The following MAGI1 variants were observed in gnomAD, a reference collection of about 807,000 sequenced individuals.
MAGI1 encodes membrane-associated guanylate kinase, WW and PDZ domain-containing protein 1.
A neutral mutation model predicts 139.9 loss-of-function variants in MAGI1; 58 were observed. The ratio of observed to expected loss-of-function variants is 0.41; its 90% CI spans 0.34 to 0.52. MAGI1 has a LOEUF of 0.52. Ranked by LOEUF, MAGI1 falls within the 20% of genes least tolerant of loss-of-function variation. The pLI is 0.12. For missense variants in MAGI1, 1,874 were observed against 1,901.6 expected, an observed-to-expected ratio of 0.99 and a Z score of 0.27; for synonymous variants, 812 against 737.9, an observed-to-expected ratio of 1.10 and a Z score of -1.63.
At chr3:65,566,436 T>G (rs908282171) in intron 2 of MAGI1, among the ~76,000 whole-genome samples, 1 of 137,918 alleles carries the variant, frequency 7.3e-6, no homozygotes, top group African/African-American at 2.8e-5. Context: ...TTTGCTCACC[T>G]TTTTTTTTTT....
chr3:65,877,374 C>T (rs1200682865), intron 1 of MAGI1, among the ~76,000 whole-genome samples: 1 of 152,130 alleles, frequency 6.6e-6, no homozygotes, highest in Non-Finnish European at 1.5e-5. Flanking sequence ...TTATACAATA[C>T]TTAGGGCACA....
chr3:65,442,812 G>T lies in MAGI1; in HGVS notation c.1116C>A (p.Val372=). The T allele has an allele frequency of 6.2e-7, 1 of 1,612,938 alleles. No individual in the cohort carries two copies. The highest frequency in any genetic ancestry group is 1.1e-5 in the South Asian group (1 of 91,036). ...PAGWEKIEDP[V]YGIYYVDHIN... ...CTTACTCTACATAGTAGATACCATA[G>T]ACAGGGTCTTCAATCTTTTCCCAAC... is the stretch of plus-strand genomic sequence containing the variant. Residue 372 remains valine (V), a synonymous_variant, in exon 8 of 23, where the codon GTC becomes GTA. Coordinates refer to ENST00000402939, the MANE Select transcript of MAGI1 (RefSeq NM_001033057.2).
intron 1 of MAGI1, among the ~76,000 whole-genome samples, chr3:66,009,684 T>C (rs1046810735): frequency 3.3e-5 from 5 of 152,084 alleles, no homozygotes; most frequent in African/African-American, 9.7e-5. Flanking sequence ...ACTTAACACA[T>C]AGTAGGTGTT....
chr3:65,415,481 C>T (rs11922267), intron 12 of MAGI1, among the ~76,000 whole-genome samples: 14,412 of 152,234 alleles, frequency 0.095, 723 homozygotes, highest in South Asian at 0.14. Context: ...CTCATGGACA[C>T]AGCCCAGGGC....
intron 1 of MAGI1, among the ~76,000 whole-genome samples, chr3:65,628,543 T>C (rs1576530178): frequency 6.6e-6 from 1 of 151,410 alleles, no homozygotes; most frequent in Non-Finnish European, 1.5e-5. Context: ...GAGTTGGTCA[T>C]GTAAGCAGCC....
chr3:65,724,759 T>C (rs1218406026), intron 1 of MAGI1, among the ~76,000 whole-genome samples: 3 of 152,078 alleles, frequency 2.0e-5, no homozygotes, highest in Non-Finnish European at 4.4e-5. Context: ...GAAGCAAACA[T>C]GTCCTTCTTC....
Position 65,776,456 on chromosome 3 carries a change from A to G in MAGI1, c.314-154368T>C, listed in dbSNP as rs72908269. Among the ~76,000 whole-genome samples the G allele has an allele frequency of 4.1e-3, 625 of 152,322 alleles. 3 individuals carry two copies. The highest frequency in any genetic ancestry group is 0.014 in the African/African-American group (589 of 41,584). On this transcript the variant is annotated intron_variant, in intron 1 of 22. Coordinates refer to ENST00000402939, the MANE Select transcript of MAGI1 (RefSeq NM_001033057.2). ...AAAATGGTAACCCTTATTTAAACAC[A>G]TAATAAAAAGAGATCTTGTCAAATA...
chr3:65,926,324 CTT>C (rs1491293898), intron 1 of MAGI1, among the ~76,000 whole-genome samples: 3 of 82,400 alleles, frequency 3.6e-5, no homozygotes, highest in African/African-American at 9.7e-5. Context: ...CTGAAGTCTT[CTT>C]TTCTCTCTCT....
chr3:65,921,746 A>C (rs1259635940), intron 1 of MAGI1, among the ~76,000 whole-genome samples: 1 of 152,178 alleles, frequency 6.6e-6, no homozygotes, highest in African/African-American at 2.4e-5. Flanking sequence ...AGAATCAATC[A>C]AAATGATTGA....
At chr3:65,695,152 C>T (rs1199139414) in intron 1 of MAGI1, among the ~76,000 whole-genome samples, 2 of 152,084 alleles carry the variant, frequency 1.3e-5, no homozygotes, top group African/African-American at 4.8e-5. Context: ...TTCTCTTCAA[C>T]AGAGATAACC....
intron 1 of MAGI1, among the ~76,000 whole-genome samples, chr3:65,771,656 G>A (rs1351143143): frequency 1.3e-5 from 2 of 152,128 alleles, no homozygotes; most frequent in Admixed American, 6.6e-5. Flanking sequence ...GCTAGCATTA[G>A]AAAGCAAATA....
At chr3:65,700,888 G>A (rs1254166411) in intron 1 of MAGI1, among the ~76,000 whole-genome samples, 1 of 152,106 alleles carries the variant, frequency 6.6e-6, no homozygotes, top group Non-Finnish European at 1.5e-5. Flanking sequence ...ACTTCTAAGA[G>A]GAAGTACAGC....
At chr3:65,775,502 CAAAAAAAAAAAAAA>C (rs9311958) in intron 1 of MAGI1, among the ~76,000 whole-genome samples, 6 of 36,594 alleles carry the variant, frequency 1.6e-4, no homozygotes, top group Admixed American at 1.2e-3. Context: ...CCCACTCTGC[CAAAAAAAAAAAAAA>C]AAAAAAAAAA....
chr3:65,478,682 TGGTTCGCTTCG>T lies in MAGI1; in HGVS notation c.656_666del (p.Pro219GlnfsTer5). The T allele has an allele frequency of 6.2e-7, 1 of 1,614,068 alleles. No homozygotes were observed. The highest frequency in any genetic ancestry group is 8.5e-7 in the Non-Finnish European group (1 of 1,179,998). Reference sequence around the variant, plus strand: ...GCATTTTGCATATCATTGTAGGACTTGGTTCGCTTCGGGGTCGACTGCTTAGAGCCAGACTG... The same window carrying T: ...GCATTTTGCATATCATTGTAGGACTTGGGTCGACTGCTTAGAGCCAGACTG... On this transcript the variant is annotated frameshift_variant, in exon 4 of 23. Transcript: ENST00000402939. LOFTEE classifies it high-confidence loss of function.
Position 65,980,414 on chromosome 3 carries a change from T to G in MAGI1, c.313+57582A>C, listed in dbSNP as rs567123731. On this transcript the variant is annotated intron_variant, in intron 1 of 22. Transcript: ENST00000402939. ...ACCGTCTCTACTACAAATACAAAAATTAGCCACACATGGTGGTGCACGCCT... is the reference window on the plus strand; with the variant it reads ...ACCGTCTCTACTACAAATACAAAAAGTAGCCACACATGGTGGTGCACGCCT... 1.6e-4 allele frequency among the ~76,000 whole-genome samples: 25 copies of G among 151,762 alleles called. 1 individual carries two copies. In the South Asian group the frequency reaches 5.2e-3, roughly 32 times the overall value.
chr3:65,862,132 C>G (rs2059576892), intron 1 of MAGI1, among the ~76,000 whole-genome samples: 1 of 152,102 alleles, frequency 6.6e-6, no homozygotes, highest in Non-Finnish European at 1.5e-5. Context: ...TTTATGAATA[C>G]CCAGAAAGGT....
chr3:65,632,864 A>G (rs1294720556), intron 1 of MAGI1, among the ~76,000 whole-genome samples: 3 of 152,188 alleles, frequency 2.0e-5, no homozygotes, highest in Non-Finnish European at 4.4e-5. Context: ...GTTGGGGTAG[A>G]GTTCAAGTAA....
chr3:65,772,713 G>A (rs1324963860), intron 1 of MAGI1, among the ~76,000 whole-genome samples: 1 of 152,202 alleles, frequency 6.6e-6, no homozygotes, highest in Admixed American at 6.5e-5. Flanking sequence ...CAAACTTCAG[G>A]CTCACTGAGG....
chr3:65,969,403 C>T (rs944108009), intron 1 of MAGI1, among the ~76,000 whole-genome samples: 2 of 152,172 alleles, frequency 1.3e-5, no homozygotes, highest in East Asian at 1.9e-4. Context: ...GCATCCCTGG[C>T]CTCCATTCCC....
Sources: allele counts gnomAD v4.1 joint callset (sites outside exome capture counted in the v4.1 genomes callset), GRCh38; gene constraint gnomAD v4.1.1; transcripts MANE v1.5; gene names NCBI Gene and HGNC (gene_info 2026-07-23, HGNC 2026-07-21).